Variants in PTPRN2 observed in about 807,000 individuals in gnomAD.
The protein encoded by PTPRN2 is receptor-type tyrosine-protein phosphatase N2.
Under a neutral mutation model 118.8 loss-of-function variants are expected in PTPRN2, and 74 were observed. The ratio of observed to expected loss-of-function variants is 0.62; its 90% CI spans 0.52 to 0.76. PTPRN2 has a LOEUF of 0.76. PTPRN2 is among the 30% of genes least tolerant of loss of function. The pLI is 0.00. For missense variants in PTPRN2, 1,481 were observed against 1,394.4 expected (o/e 1.06, Z -0.99); for synonymous variants, 641 against 608.0 (o/e 1.05, Z -0.80).
At chr7:157,930,988 C>T (rs1799323006) in intron 11 of PTPRN2, among the ~76,000 whole-genome samples, 1 of 152,194 alleles carries the variant, frequency 6.6e-6, no homozygotes, top group South Asian at 2.1e-4. Flanking sequence ...TCCCCTGTCT[C>T]ACCTCCAGTG....
At chr7:158,549,994 G>A (rs370459424) in intron 1 of PTPRN2, among the ~76,000 whole-genome samples, 2 of 152,322 alleles carry the variant, frequency 1.3e-5, no homozygotes, top group South Asian at 2.1e-4. Flanking sequence ...GCCGCGCCTC[G>A]CCGTCCTCCC....
intron 12 of PTPRN2, among the ~76,000 whole-genome samples, chr7:157,777,282 G>A (rs925583562): frequency 3.3e-5 from 5 of 152,196 alleles, no homozygotes; most frequent in African/African-American, 7.2e-5. Flanking sequence ...CGCCCATGTC[G>A]GTCGCTGAGT....
At chr7:158,372,039 A>G (rs1156507957) in intron 2 of PTPRN2, among the ~76,000 whole-genome samples, 1 of 152,188 alleles carries the variant, frequency 6.6e-6, no homozygotes, top group Non-Finnish European at 1.5e-5. Flanking sequence ...CTGTGTGCGG[A>G]AGACCCCCTC....
intron 12 of PTPRN2, among the ~76,000 whole-genome samples, chr7:157,786,963 T>A (rs1452750411): frequency 6.6e-6 from 1 of 151,860 alleles, no homozygotes. Context: ...CAGCTGTAGG[T>A]CCCATGGCCT....
intron 12 of PTPRN2, among the ~76,000 whole-genome samples, chr7:157,828,467 C>T (rs182504412): frequency 1.5e-4 from 23 of 152,336 alleles, no homozygotes; most frequent in African/African-American, 4.8e-4. Flanking sequence ...CAGAGCCATC[C>T]GTGTCATCAG....
intron 14 of PTPRN2, among the ~76,000 whole-genome samples, chr7:157,646,915 G>A (rs1296921158): frequency 2.0e-5 from 3 of 149,146 alleles, no homozygotes; most frequent in South Asian, 4.2e-4. Flanking sequence ...CATCCAGTGT[G>A]CACTGAACTC....
intron 5 of PTPRN2, among the ~76,000 whole-genome samples, chr7:158,175,520 G>GT (rs1184544719): frequency 2.6e-5 from 4 of 152,178 alleles, no homozygotes; most frequent in African/African-American, 9.6e-5. Context: ...AAGTGTCAGT[G>GT]TTTAACAGTG....
intron 13 of PTPRN2, among the ~76,000 whole-genome samples, chr7:157,670,411 T>G (rs1180156807): frequency 6.6e-6 from 1 of 152,134 alleles, no homozygotes; most frequent in Non-Finnish European, 1.5e-5. Context: ...CAGGAAACAG[T>G]TGTGAAAATA....
chr7:158,482,538 A>G (rs1400671747), intron 2 of PTPRN2, among the ~76,000 whole-genome samples: 1 of 152,244 alleles, frequency 6.6e-6, no homozygotes, highest in Non-Finnish European at 1.5e-5. Context: ...AAACATTTTT[A>G]ATGAAGGCCT....
chr7:157,768,098 C>T (rs1802590989), intron 12 of PTPRN2, among the ~76,000 whole-genome samples: 1 of 152,232 alleles, frequency 6.6e-6, no homozygotes, highest in African/African-American at 2.4e-5. Context: ...ACTGGAAAGA[C>T]AAACTCTACT....
Position 157,898,678 on chromosome 7 carries a change from C to A in PTPRN2, c.1783G>T (p.Gly595Trp). 1 of 1,597,820 alleles carries A rather than the reference C, an allele frequency of 6.3e-7. No individual in the cohort carries two copies. Among genetic ancestry groups the A allele is most frequent in the South Asian group, 1.1e-5 (1 of 90,740 alleles). Reference protein sequence around the residue: ...SGLKILQTGVGSKSKLKFLPP... With the variant: ...SGLKILQTGVWSKSKLKFLPP... ...GCACCCCTTCTGTTACTCACCGACC[C>A]GACTCCGGTTTGAAGAATTTTCAGT... Residue 595 changes from glycine to tryptophan, a missense_variant, in exon 12 of 23, where the codon GGG (glycine) becomes TGG (tryptophan). By Grantham distance (184) the Gly-to-Trp change is radical. Transcript: ENST00000389418.
At chr7:158,224,603 G>A (rs2150803508) in intron 3 of PTPRN2, among the ~76,000 whole-genome samples, 1 of 152,222 alleles carries the variant, frequency 6.6e-6, no homozygotes, top group East Asian at 1.9e-4. Context: ...GGACATAAAT[G>A]TAAAAATGCA....
intron 2 of PTPRN2, among the ~76,000 whole-genome samples, chr7:158,331,090 A>C (rs1309201768): frequency 2.2e-5 from 3 of 134,412 alleles, no homozygotes; most frequent in African/African-American, 8.5e-5. Context: ...ATAAGAGCTG[A>C]TGCCCGCAGA....
At chr7:157,684,012 A>G (rs1041648069) in intron 12 of PTPRN2, among the ~76,000 whole-genome samples, 3 of 151,978 alleles carry the variant, frequency 2.0e-5, no homozygotes, top group African/African-American at 7.3e-5. Context: ...TCTCTCTTCT[A>G]TTAGTAATTT....
intron 1 of PTPRN2, among the ~76,000 whole-genome samples, chr7:158,559,227 A>G (rs894635221): frequency 2.6e-5 from 4 of 152,248 alleles, no homozygotes; most frequent in Non-Finnish European, 4.4e-5. Context: ...ATGAATTTCT[A>G]TTGCTCTCAT....
chr7:158,126,273 CA>C (rs1334180397), intron 9 of PTPRN2, among the ~76,000 whole-genome samples: 1 of 6,920 alleles, frequency 1.4e-4, no homozygotes. Flanking sequence ...CACCAGCCCC[CA>C]GGACAGCGGG....
At chr7:157,682,703 T>C (rs368084017) in intron 13 of PTPRN2, 22 bp downstream of exon 13, 94 of 1,599,346 alleles carry the variant, frequency 5.9e-5, no homozygotes, top group Non-Finnish European at 7.8e-5. Flanking sequence ...GATATACCAC[T>C]TTTTAAAAAG....
chr7:158,045,309 A>G (rs991849046), intron 11 of PTPRN2, among the ~76,000 whole-genome samples: 32 of 152,220 alleles, frequency 2.1e-4, no homozygotes, highest in Non-Finnish European at 4.3e-4. Context: ...CTGGAGAAAT[A>G]AATTTTTTAT....
intron 6 of PTPRN2, among the ~76,000 whole-genome samples, chr7:158,146,848 A>C (rs1178551499): frequency 6.6e-6 from 1 of 152,044 alleles, no homozygotes; most frequent in Non-Finnish European, 1.5e-5. Flanking sequence ...GAGAGACTTG[A>C]CCAATGGATA....
Sources: allele counts gnomAD v4.1 joint callset (sites outside exome capture counted in the v4.1 genomes callset), GRCh38; gene constraint gnomAD v4.1.1; transcripts MANE v1.5; gene names NCBI Gene and HGNC (gene_info 2026-07-23, HGNC 2026-07-21).